PLEKHG4: variants seen among roughly 807,000 people sequenced by gnomAD.
The protein encoded by PLEKHG4 is pleckstrin homology and RhoGEF domain containing G4.
PLEKHG4 carries 85 observed loss-of-function variants against 136.9 expected under a neutral mutation model. That is an observed-to-expected ratio of 0.62 (90% confidence interval 0.52 to 0.74). PLEKHG4 has a LOEUF of 0.74. Ranked by LOEUF, PLEKHG4 falls within the 30% of genes least tolerant of loss-of-function variation. The pLI, the probability that PLEKHG4 is intolerant of heterozygous loss-of-function variation, is 0.00. For missense variants in PLEKHG4, 1,317 were observed against 1,527.8 expected, an observed-to-expected ratio of 0.86 and a Z score of 2.30; for synonymous variants, 577 against 646.9, an observed-to-expected ratio of 0.89 and a Z score of 1.64.
At chr16:67,285,669 G>A (rs1411472477) in intron 14 of PLEKHG4, 133 bp downstream of exon 14, 5 of 1,029,444 alleles carry the variant, frequency 4.9e-6, no homozygotes, top group Non-Finnish European at 6.0e-6. Context: ...CTGCACCTGA[G>A]GGTGCTCTTA....
At chr16:67,285,993 T>G (rs1316403192) in intron 14 of PLEKHG4, among the ~76,000 whole-genome samples, 1 of 152,006 alleles carries the variant, frequency 6.6e-6, no homozygotes, top group Non-Finnish European at 1.5e-5. Flanking sequence ...CCAGGTGAGG[T>G]GAGCTCTTAG....
At chr16:67,278,021 C>G (rs554208436), upstream of PLEKHG4, 1 of 152,232 alleles carries the variant, frequency 6.6e-6, no homozygotes, top group African/African-American at 2.4e-5. Context: ...GCCAGCAGGT[C>G]CCCCCCGGCT....
Position 67,288,232 on chromosome 16 carries a change from TCGA to T in PLEKHG4, c.3287_3289del (p.Ser1096_Asn1097delinsTyr). ...CCATGACAGCCTCTACCTGGGGGCCTCGAACTCCCTTCCTGGAGACCCTGCCTC... is the reference window on the plus strand; with the variant it reads ...CCATGACAGCCTCTACCTGGGGGCCTACTCCCTTCCTGGAGACCCTGCCTC... On this transcript the variant is annotated inframe_deletion, in exon 20 of 22. Transcript: ENST00000379344. 1 of 1,613,998 alleles carries T rather than the reference TCGA, an allele frequency of 6.2e-7. No individual in the cohort carries two copies. The highest frequency in any genetic ancestry group is 1.3e-5 in the African/African-American group (1 of 75,024).
intron 21 of PLEKHG4, 41 bp downstream of exon 21, chr16:67,288,645 C>G (rs1189748008): frequency 6.2e-7 from 1 of 1,612,028 alleles, no homozygotes; most frequent in Admixed American, 1.7e-5. Flanking sequence ...CCTTCCCCAG[C>G]CCAAGCTGAG....
At position 67,280,816 on chromosome 16, in the gene PLEKHG4, C is replaced by T. The variant is rs376153070; in HGVS notation, c.595+10C>T. 1.9e-5 allele frequency: 31 copies of T among 1,613,938 alleles called. No homozygotes were observed. Among genetic ancestry groups the T allele is most frequent in the Middle Eastern group, 1.6e-4 (1 of 6,062 alleles). ...ATGGCCACCTTGCCAGGTAGCCAGG[C>T]GGGCCTAGAGGCGGTGGAGGTGGAG... is the stretch of plus-strand genomic sequence containing the variant. On this transcript the variant is annotated intron_variant, in intron 3 of 21. Transcript: ENST00000379344. The surrounding 1 kb of genome is among the most constrained non-coding windows in gnomAD (Gnocchi z 4.4).
chr16:67,280,053 GC>G lies in PLEKHG4; in HGVS notation c.13del (p.Leu5TrpfsTer83). Reference sequence around the variant, plus strand: ...ACCTTTAGGAGGGCGTGATGGAAAGGCCCCTGGAGAATGGGGATGAGTCCCC... The same window carrying G: ...ACCTTTAGGAGGGCGTGATGGAAAGGCCCTGGAGAATGGGGATGAGTCCCC... The part of the protein sequence containing the change: MER[P>X]LENGDESPDS... On this transcript the variant is annotated frameshift_variant, in exon 2 of 22. Transcript: ENST00000379344. LOFTEE classifies it high-confidence loss of function. This position sits in a 1 kb window ranked among gnomAD's most constrained non-coding sequence, Gnocchi z 4.4. 1.9e-6 allele frequency: 3 copies of G among 1,612,938 alleles called. No homozygotes were observed. Among genetic ancestry groups the G allele is most frequent in the Non-Finnish European group, 2.5e-6 (3 of 1,179,594 alleles).
At position 67,285,386 on chromosome 16, in the gene PLEKHG4, C is replaced by T; in HGVS notation, c.2292C>T (p.Arg764=). ...TMENYFPELD[R]PDVPQGLRGQ... ...AGAACTATTTCCCCGAGCTGGATCG[C>T]CCCGATGTGCCCCAGGGCCTCCGCG... Residue 764 remains arginine, a synonymous_variant, in exon 14 of 22, where the codon CGC becomes CGT. Coordinates refer to ENST00000379344, the MANE Select transcript of PLEKHG4 (RefSeq NM_001129729.3). 1 of 1,614,232 alleles carries T rather than the reference C, an allele frequency of 6.2e-7. No homozygotes were observed. Among genetic ancestry groups the T allele is most frequent in the South Asian group, 1.1e-5 (1 of 91,092 alleles).
Position 67,280,982 on chromosome 16 carries a change from G to T in PLEKHG4, c.696G>T (p.Leu232=), listed in dbSNP as rs1328553862. The part of the protein sequence containing the change: ...ECSSQELIRL[L]LYLRSIPRPE... ...GCAGCCAGGAACTCATCCGCCTCCT[G>T]CTGTACCTGCGAAGCATCCCCAGGT... The change falls in exon 4 of 22, where the codon CTG becomes CTT. Residue 232 remains leucine, a synonymous_variant. Transcript: ENST00000379344. This position sits in a 1 kb window ranked among gnomAD's most constrained non-coding sequence, Gnocchi z 4.4. The T allele has an allele frequency of 6.2e-7, 1 of 1,613,764 alleles. No homozygotes were observed. Among genetic ancestry groups the T allele is most frequent in the Non-Finnish European group, 8.5e-7 (1 of 1,179,924 alleles).
In PLEKHG4 at chr16:67,285,545, G is replaced by T; in HGVS notation, c.2442+9G>T. On this transcript the variant is annotated intron_variant, in intron 14 of 21. Coordinates refer to ENST00000379344, the MANE Select transcript of PLEKHG4 (RefSeq NM_001129729.3). ...ATGCCTTCCTGCGCCATGTAAGCCC[G>T]ACAGGCCATGTGGTATCAGCTCGTT... is the stretch of plus-strand genomic sequence containing the variant. 6.2e-7 allele frequency: 1 copy of T among 1,604,602 alleles called. No homozygotes were observed. Among genetic ancestry groups the T allele is most frequent in the Non-Finnish European group, 8.5e-7 (1 of 1,179,970 alleles).
rs1281425277 is a variant in PLEKHG4, at chr16:67,284,237, A to G, written c.1510-38A>G. On this transcript the variant is annotated intron_variant, in intron 11 of 21. Transcript: ENST00000379344. The surrounding 1 kb of genome is among the most constrained non-coding windows in gnomAD (Gnocchi z 4.4). ...ATCTGAGTCTGGGGGCTAGACCGCC[A>G]GGCCTGGGCTGGCTGAGCCTAGTCT... 3.1e-6 allele frequency: 5 copies of G among 1,595,938 alleles called. No individual in the cohort carries two copies. Among genetic ancestry groups the G allele is most frequent in the Non-Finnish European group, 4.3e-6 (5 of 1,166,328 alleles).
rs1369482029 is a variant in PLEKHG4 at position 67,282,850 on chromosome 16, G to A, written c.1501G>A (p.Val501Ile). ...AQGSFQELYQ[V>I]AQEQVRQGEK... ...AGGCTCTTTTCAGGAGCTGTACCAG[G>A]TTGCCCAGGTATATGTGGTCACTTG... Residue 501 changes from valine (V) to isoleucine (I), a missense_variant, in exon 11 of 22, where the codon GTT (valine) becomes ATT (isoleucine). Transcript: ENST00000379344. 6.2e-7 allele frequency: 1 copy of A among 1,612,696 alleles called. No homozygotes were observed. The highest frequency in any genetic ancestry group is 2.2e-5 in the East Asian group (1 of 44,898).
Position 67,280,557 on chromosome 16 carries a change from G to A in PLEKHG4, c.499+14G>A. The A allele has an allele frequency of 6.2e-7, 1 of 1,613,100 alleles. No individual in the cohort carries two copies. Among genetic ancestry groups the A allele is most frequent in the Non-Finnish European group, 8.5e-7 (1 of 1,179,970 alleles). ...TGCTGGAGGCAGGTAAGGAAGGCTG[G>A]GCTAGGGAAGTCTGGGAAGGGAATG... On this transcript the variant is annotated intron_variant, in intron 2 of 21. Transcript: ENST00000379344. This position sits in a 1 kb window ranked among gnomAD's most constrained non-coding sequence, Gnocchi z 4.4.
rs754680552 is a variant in PLEKHG4 at position 67,287,043 on chromosome 16, T to TG, written c.2970dup (p.Arg991AlafsTer31). The stretch of plus-strand genomic sequence containing the variant: ...ACTGAGTGCTGTGGGAACAGCAACC[T>TG]GCGCTTCGAGATCTGGTTCCGCCGC... On this transcript the variant is annotated frameshift_variant, in exon 18 of 22. Transcript: ENST00000379344. LOFTEE classifies it high-confidence loss of function. The TG allele has an allele frequency of 6.2e-7, 1 of 1,613,478 alleles. No homozygotes were observed. The highest frequency in any genetic ancestry group is 1.1e-5 in the South Asian group (1 of 91,090).
At position 67,286,798 on chromosome 16, in the gene PLEKHG4, T is replaced by C. The variant is rs376530115; in HGVS notation, c.2804T>C (p.Val935Ala). 14 of 1,613,730 alleles carry C rather than the reference T, an allele frequency of 8.7e-6. No homozygotes were observed. In the African/African-American group the frequency reaches 1.9e-4, roughly 22 times the overall value. ...GQLVRQDEFV[V>A]RTGRHKSVRR... ...CTGGTGCGACAGGATGAGTTTGTGGTGCGCACTGGGCGCCACAAGTCCGTG... is the reference window on the plus strand; with the variant it reads ...CTGGTGCGACAGGATGAGTTTGTGGCGCGCACTGGGCGCCACAAGTCCGTG... The change falls in exon 17 of 22, where the codon GTG becomes GCG. Residue 935 changes from valine (V) to alanine (A), a missense_variant. Val to Ala is a moderately conservative substitution (Grantham distance 64, BLOSUM62 0). Transcript: ENST00000379344.
At position 67,288,795 on chromosome 16, in the gene PLEKHG4, C is replaced by T. The variant is rs1269677010; in HGVS notation, c.3571-8C>T. The T allele has an allele frequency of 6.2e-7, 1 of 1,613,734 alleles. No individual in the cohort carries two copies. The highest frequency in any genetic ancestry group is 8.5e-7 in the Non-Finnish European group (1 of 1,179,854). On this transcript the variant is annotated splice_polypyrimidine_tract_variant and splice_region_variant and intron_variant, in intron 21 of 21. Coordinates refer to ENST00000379344, the MANE Select transcript of PLEKHG4 (RefSeq NM_001129729.3). ...AAGCAGGCATTCATGCCTGGCCTGG[C>T]CCTGCAGGTCTGAGCCCGGGACTGG...
rs1457521732 is a variant in PLEKHG4, at chr16:67,282,789, TG to T, written c.1444del (p.Glu482SerfsTer35). On this transcript the variant is annotated frameshift_variant, in exon 11 of 22. Coordinates refer to ENST00000379344, the MANE Select transcript of PLEKHG4 (RefSeq NM_001129729.3). LOFTEE classifies it high-confidence loss of function. ...TGGGCTGGCCAGCACTGGAGGAGGC[TG>T]GGGAGCCCTCGCTGGACATGCTGCT... is the stretch of plus-strand genomic sequence containing the variant. ...QVGWPALEEA[G>X]EPSLDMLLQA... is the part of the protein sequence containing the mutation. The T allele has an allele frequency of 6.2e-7, 1 of 1,613,452 alleles. No homozygotes were observed. The highest frequency in any genetic ancestry group is 1.7e-5 in the Admixed American group (1 of 60,016).
At position 67,284,194 on chromosome 16, in the gene PLEKHG4, G is replaced by A. The variant is rs556237225; in HGVS notation, c.1510-81G>A. The A allele has an allele frequency of 6.4e-6, 8 of 1,248,542 alleles. No homozygotes were observed. The highest frequency in any genetic ancestry group is 3.0e-5 in the African/African-American group (2 of 67,536). 77.3% of individuals were successfully genotyped at this position (1,248,542 alleles called of 1,614,324 possible). ...AGGACAGACTTGATGGGGACATGTC[G>A]ATATGTCAGCAGGAAGTATCTGAGT... On this transcript the variant is annotated intron_variant, in intron 11 of 21. Transcript: ENST00000379344. The surrounding 1 kb of genome is among the most constrained non-coding windows in gnomAD (Gnocchi z 4.4).
chr16:67,284,182 TG>T lies in PLEKHG4; in HGVS notation c.1510-89del. 9.1e-7 allele frequency: 1 copy of T among 1,096,166 alleles called. No homozygotes were observed. The highest frequency in any genetic ancestry group is 1.3e-6 in the Non-Finnish European group (1 of 747,546). 67.9% of individuals were successfully genotyped at this position (1,096,166 alleles called of 1,614,324 possible). On this transcript the variant is annotated intron_variant, in intron 11 of 21. Transcript: ENST00000379344. This position sits in a 1 kb window ranked among gnomAD's most constrained non-coding sequence, Gnocchi z 4.4. Reference sequence around the variant, plus strand: ...ATGTTCCACCACAGGACAGACTTGATGGGGACATGTCGATATGTCAGCAGGA... The same window carrying T: ...ATGTTCCACCACAGGACAGACTTGATGGGACATGTCGATATGTCAGCAGGA...
chr16:67,282,709 T>C, intron 10 of PLEKHG4, 33 bp from the exon 11 acceptor site: 1 of 1,613,212 alleles, frequency 6.2e-7, no homozygotes, highest in African/African-American at 1.3e-5. Flanking sequence ...CCATAGCAGC[T>C]CTCTTCACTT....
Sources: allele counts gnomAD v4.1 joint callset (sites outside exome capture counted in the v4.1 genomes callset), GRCh38; gene constraint gnomAD v4.1.1; non-coding constraint Gnocchi (gnomAD v3.1); transcripts MANE v1.5; gene names NCBI Gene and HGNC (gene_info 2026-07-23, HGNC 2026-07-21).